GTSE1: variants seen among roughly 807,000 people sequenced by gnomAD.
GTSE1 encodes the protein G2 and S phase-expressed protein 1.
Under a neutral mutation model 60.5 loss-of-function variants are expected in GTSE1, and 52 were observed. The observed-to-expected ratio is 0.86, with a 90% CI of 0.69 to 1.08. GTSE1 has a LOEUF of 1.08. Ranked by LOEUF, GTSE1 falls within the 50% of genes least tolerant of loss-of-function variation. The pLI is 0.00. For synonymous variants in GTSE1, 368 were observed against 386.5 expected, an observed-to-expected ratio of 0.95 and a Z score of 0.56; for missense variants, 937 against 961.8, an observed-to-expected ratio of 0.97 and a Z score of 0.34.
rs989452960 is a variant in GTSE1 at position 46,297,287 on chromosome 22, A to C, written c.-21-93A>C. 2 of 799,500 alleles carry C rather than the reference A, an allele frequency of 2.5e-6. No individual in the cohort carries two copies. Among genetic ancestry groups the C allele is most frequent in the African/African-American group, 1.7e-5 (1 of 59,182 alleles). The allele number at this position is 799,500 out of a possible 1,614,324, so 49.5% of individuals were successfully genotyped here. The stretch of plus-strand genomic sequence containing the variant: ...TCTCCCAGACCTGGCCGCGGCCTTC[A>C]GCTCTCTCTGCCTCTGTGAGCCGAG... On this transcript the variant is annotated intron_variant, in intron 1 of 11. Coordinates refer to ENST00000454366, the MANE Select transcript of GTSE1 (RefSeq NM_016426.7). This position sits in a 1 kb window ranked among gnomAD's most constrained non-coding sequence, Gnocchi z 4.9.
Position 46,300,548 on chromosome 22 carries a change from C to T in GTSE1, c.79+3069C>T, listed in dbSNP as rs150843487. Among the ~76,000 whole-genome samples, 375 of 152,362 alleles carry T rather than the reference C, an allele frequency of 2.5e-3. 3 individuals carry two copies. Among genetic ancestry groups the T allele is most frequent in the African/African-American group, 8.6e-3 (357 of 41,590 alleles). The stretch of plus-strand genomic sequence containing the variant: ...TCTGACTTCTGACCCGTTCCTCTCA[C>T]ACACGCTTTGATATTTTCTCAGAGG... On this transcript the variant is annotated intron_variant, in intron 2 of 11. Coordinates refer to ENST00000454366, the MANE Select transcript of GTSE1 (RefSeq NM_016426.7).
chr22:46,311,829 CATT>C (rs1324691207), intron 4 of GTSE1, among the ~76,000 whole-genome samples: 1 of 152,320 alleles, frequency 6.6e-6, no homozygotes, highest in Admixed American at 6.5e-5. Flanking sequence ...CCAGCTTTCT[CATT>C]ATCATTCTTA....
At position 46,328,641 on chromosome 22, in the gene GTSE1, C is replaced by T. The variant is rs373854365; in HGVS notation, c.1725-47C>T. The T allele has an allele frequency of 4.0e-5, 58 of 1,449,294 alleles. No homozygotes were observed. The African/African-American group carries it at 6.6e-4, about 16-fold the overall frequency. 89.8% of individuals were successfully genotyped at this position (1,449,294 alleles called of 1,614,324 possible). ...TTGCTTCCCACATCAGCCAAGTGAA[C>T]GAGCATTTTAGAGACATTTTCTCAT... On this transcript the variant is annotated intron_variant, in intron 9 of 11. Coordinates refer to ENST00000454366, the MANE Select transcript of GTSE1 (RefSeq NM_016426.7).
rs2077762667 is a variant in GTSE1 at position 46,313,838 on chromosome 22, T to C, written c.928-52T>C. On this transcript the variant is annotated intron_variant, in intron 5 of 11. Transcript: ENST00000454366. This position sits in a 1 kb window ranked among gnomAD's most constrained non-coding sequence, Gnocchi z 4.4. Reference sequence around the variant, plus strand: ...CCCTTACTTTTGCAGACACAAGTAATAGGTAAATAACGAGATCTTTGCTGA... The same window carrying C: ...CCCTTACTTTTGCAGACACAAGTAACAGGTAAATAACGAGATCTTTGCTGA... The C allele has an allele frequency of 1.2e-6, 2 of 1,606,778 alleles. No homozygotes were observed. The highest frequency in any genetic ancestry group is 1.7e-6 in the Non-Finnish European group (2 of 1,174,372).
chr22:46,307,903 G>C (rs1156699832), intron 2 of GTSE1, among the ~76,000 whole-genome samples: 1 of 152,088 alleles, frequency 6.6e-6, no homozygotes, highest in Non-Finnish European at 1.5e-5. Context: ...CTTGAGGCCA[G>C]GAGTTCGAGA....
At position 46,328,690 on chromosome 22, in the gene GTSE1, C is replaced by T. The variant is rs1364855699; in HGVS notation, c.1727C>T (p.Thr576Ile). The T allele has an allele frequency of 1.2e-6, 2 of 1,611,502 alleles. No individual in the cohort carries two copies. The highest frequency in any genetic ancestry group is 8.5e-7 in the Non-Finnish European group (1 of 1,177,630). ...ATAAGTTTTTTTCCTTCCCACAGAA[C>T]TGAACCAACAAGGGAGAGCAACAGA... Reference protein sequence around the residue: ...SEPRKNSAMRTEPTRESNRKT... With the variant: ...SEPRKNSAMRIEPTRESNRKT... Residue 576 changes from threonine (T) to isoleucine (I), a missense_variant and splice_region_variant, in exon 10 of 12, where the codon ACT (threonine) becomes ATT (isoleucine). Physicochemically the swap from Thr to Ile is moderately conservative, Grantham distance 89. Coordinates refer to ENST00000454366, the MANE Select transcript of GTSE1 (RefSeq NM_016426.7).
Position 46,316,762 on chromosome 22 carries a change from G to GT in GTSE1, c.1432+357dup, listed in dbSNP as rs1363571299. Reference sequence around the variant, plus strand: ...TTAAGCTTCTTTGATCTGTGGGTTGGTTTTTTTCAGCAAATTTGGAAAACG... The same window carrying GT: ...TTAAGCTTCTTTGATCTGTGGGTTGGTTTTTTTTCAGCAAATTTGGAAAACG... On this transcript the variant is annotated intron_variant, in intron 7 of 11. Coordinates refer to ENST00000454366, the MANE Select transcript of GTSE1 (RefSeq NM_016426.7). The surrounding 1 kb of genome is among the most constrained non-coding windows in gnomAD (Gnocchi z 5.0). 6.6e-6 allele frequency among the ~76,000 whole-genome samples: 1 copy of GT among 152,050 alleles called. No homozygotes were observed. The highest frequency in any genetic ancestry group is 6.6e-5 in the Admixed American group (1 of 15,262).
chr22:46,297,836 T>C lies in GTSE1; in HGVS notation c.79+357T>C, dbSNP rs111562499. On this transcript the variant is annotated intron_variant, in intron 2 of 11. Coordinates refer to ENST00000454366, the MANE Select transcript of GTSE1 (RefSeq NM_016426.7). The surrounding 1 kb of genome is among the most constrained non-coding windows in gnomAD (Gnocchi z 4.9). ...TTTAGGATCTTTGAGACCATGTTAA[T>C]GAGTAAGCCTGGCCCCAAACCCCTT... 3.5e-4 allele frequency among the ~76,000 whole-genome samples: 53 copies of C among 152,366 alleles called. No homozygotes were observed. The highest frequency in any genetic ancestry group is 3.4e-3 in the Middle Eastern group (1 of 294).
rs17585545 is a variant in GTSE1, at chr22:46,324,824, G to C, written c.1505+1562G>C. On this transcript the variant is annotated intron_variant, in intron 8 of 11. Transcript: ENST00000454366. The surrounding 1 kb of genome is among the most constrained non-coding windows in gnomAD (Gnocchi z 5.2). ...CTGTTTCTCTCTTGATTTCAGCCTC[G>C]TTGCTTTTCTTCCATTTAAATAGGC... Among the ~76,000 whole-genome samples the C allele has an allele frequency of 5.3e-5, 8 of 152,098 alleles. No individual in the cohort carries two copies. Among genetic ancestry groups the C allele is most frequent in the African/African-American group, 9.7e-5 (4 of 41,404 alleles).
At position 46,326,434 on chromosome 22, in the gene GTSE1, A is replaced by C; in HGVS notation, c.1506-2A>C. The C allele has an allele frequency of 1.3e-6, 2 of 1,594,896 alleles. No individual in the cohort carries two copies. The highest frequency in any genetic ancestry group is 1.7e-6 in the Non-Finnish European group (2 of 1,165,642). ...TCACGACACTGATGTTGTGTTTGCC[A>C]GGGTCACTGTCCACAGCACCCCGGT... On this transcript the variant is annotated splice_acceptor_variant, in intron 8 of 11. Coordinates refer to ENST00000454366, the MANE Select transcript of GTSE1 (RefSeq NM_016426.7). LOFTEE classifies it high-confidence loss of function.
Position 46,313,054 on chromosome 22 carries a change from T to A in GTSE1, c.927+749T>A, listed in dbSNP as rs1202679409. Among the ~76,000 whole-genome samples, 2 of 150,592 alleles carry A rather than the reference T, an allele frequency of 1.3e-5. No homozygotes were observed. Among genetic ancestry groups the A allele is most frequent in the Non-Finnish European group, 3.0e-5 (2 of 67,698 alleles). On this transcript the variant is annotated intron_variant, in intron 5 of 11. Coordinates refer to ENST00000454366, the MANE Select transcript of GTSE1 (RefSeq NM_016426.7). The surrounding 1 kb of genome is among the most constrained non-coding windows in gnomAD (Gnocchi z 4.4). ...GGTGCATGCCTGTGGTCCCAGCTAT[T>A]TGGGAGGTTGAGGTGGGAGGATTGC...
chr22:46,322,534 T>C (rs569373360), intron 7 of GTSE1, among the ~76,000 whole-genome samples: 15 of 151,850 alleles, frequency 9.9e-5, no homozygotes, highest in Non-Finnish European at 1.8e-4. Flanking sequence ...GGAGGAACCA[T>C]GGAGCCAGTG....
chr22:46,326,922 G>A, intron 9 of GTSE1: 1 of 322,066 alleles, frequency 3.1e-6, no homozygotes. Context: ...CAAGTTATTG[G>A]CCAGGTGTGG....
rs866006660 is a variant in GTSE1, at chr22:46,308,332, G to T, written c.151G>T (p.Asp51Tyr). 1 of 1,612,928 alleles carries T rather than the reference G, an allele frequency of 6.2e-7. No individual in the cohort carries two copies. The highest frequency in any genetic ancestry group is 1.7e-4 in the Middle Eastern group (1 of 6,060). ...SLSSSSANED[D>Y]EVFFGPFGHK... ...TTAAACAAATAGTGCAAATGAAGAT[G>T]ATGAAGTCTTCTTCGGACCCTTTGG... is the stretch of plus-strand genomic sequence containing the variant. The change falls in exon 4 of 12, where the codon GAT becomes TAT. Residue 51 changes from aspartate to tyrosine, a missense_variant. Asp to Tyr is a radical substitution (Grantham distance 160). Transcript: ENST00000454366.
Position 46,318,785 on chromosome 22 carries a change from G to A in GTSE1, c.1432+2373G>A, listed in dbSNP as rs2077795306. 6.6e-6 allele frequency among the ~76,000 whole-genome samples: 1 copy of A among 152,194 alleles called. No individual in the cohort carries two copies. The highest frequency in any genetic ancestry group is 6.5e-5 in the Admixed American group (1 of 15,282). ...GTGCAGCCGCTGCGGTCGGGATTCT[G>A]CGTAGACGTGCGACAGCTGGTCAGT... On this transcript the variant is annotated intron_variant, in intron 7 of 11. Coordinates refer to ENST00000454366, the MANE Select transcript of GTSE1 (RefSeq NM_016426.7). This position sits in a 1 kb window ranked among gnomAD's most constrained non-coding sequence, Gnocchi z 4.8.
rs1388584984 is a variant in GTSE1 at position 46,313,955 on chromosome 22, C to T, written c.993C>T (p.Ser331=). 1.2e-6 allele frequency: 2 copies of T among 1,614,100 alleles called. No individual in the cohort carries two copies. The highest frequency in any genetic ancestry group is 2.7e-5 in the African/African-American group (2 of 74,934). The stretch of plus-strand genomic sequence containing the variant: ...CCAGCAATCTCGCAAGGAAGTCCTC[C>T]TCGGGGCCTGTTTGGAGCGGGGCAT... ...GSTSNLARKS[S]SGPVWSGASS... The change falls in exon 6 of 12, where the codon TCC becomes TCT. Residue 331 remains serine (S), a synonymous_variant. Coordinates refer to ENST00000454366, the MANE Select transcript of GTSE1 (RefSeq NM_016426.7). This position sits in a 1 kb window ranked among gnomAD's most constrained non-coding sequence, Gnocchi z 4.4.
chr22:46,308,555 AG>A lies in GTSE1; in HGVS notation c.375del (p.Lys125AsnfsTer19), dbSNP rs1267302662. On this transcript the variant is annotated frameshift_variant, in exon 4 of 12. Transcript: ENST00000454366. LOFTEE classifies it high-confidence loss of function. The stretch of plus-strand genomic sequence containing the variant: ...CGGAACCAGGCAGCCCAAGCTGCCA[AG>A]CCTGAAGACCCTCGGAGCCAGGGCG... ...SSRNQAAQAA[K>X]PEDPRSQGVE... 1 of 1,614,240 alleles carries A rather than the reference AG, an allele frequency of 6.2e-7. No individual in the cohort carries two copies. The highest frequency in any genetic ancestry group is 8.5e-7 in the Non-Finnish European group (1 of 1,180,042).
At chr22:46,303,214 A>T (rs186085002) in intron 2 of GTSE1, among the ~76,000 whole-genome samples, 24 of 152,016 alleles carry the variant, frequency 1.6e-4, no homozygotes, top group African/African-American at 5.8e-4. Flanking sequence ...TTCCCTCTTT[A>T]TTTGATATGT....
At chr22:46,301,622 G>A (rs971093908) in intron 2 of GTSE1, among the ~76,000 whole-genome samples, 6 of 151,712 alleles carry the variant, frequency 4.0e-5, no homozygotes, top group Non-Finnish European at 8.8e-5. Flanking sequence ...CAAGTAGCTG[G>A]GATTACAGGC....
Sources: gnomAD v4.1 joint callset for allele counts (sites outside exome capture counted in the v4.1 genomes callset) on GRCh38, gnomAD v4.1.1 for gene constraint, Gnocchi (gnomAD v3.1) non-coding constraint, MANE v1.5 for transcripts, NCBI Gene and HGNC (gene_info 2026-07-23, HGNC 2026-07-21) for gene names.